Variants in PPP2R5C observed in about 807,000 individuals in gnomAD.
The protein encoded by PPP2R5C is protein phosphatase 2 regulatory subunit B'gamma, also known as serine/threonine-protein phosphatase 2A 56 kDa regulatory subunit gamma isoform.
A neutral mutation model predicts 68.9 loss-of-function variants in PPP2R5C; 7 were observed. The observed-to-expected ratio is 0.10, with a 90% CI of 0.06 to 0.19. The LOEUF (loss-of-function observed/expected upper bound fraction) is 0.19. Among genes scored for constraint, PPP2R5C ranks in the 10% least tolerant of loss-of-function variants. The pLI is 1.00. For missense variants in PPP2R5C, 348 were observed against 641.3 expected (o/e 0.54, Z 4.94); for synonymous variants, 210 against 222.2 (o/e 0.95, Z 0.49).
Position 101,916,199 on chromosome 14 carries a change from G to GGTGTGGAGAT in PPP2R5C, c.1327-1621_1327-1612dup, listed in dbSNP as rs1399152634. Among the ~76,000 whole-genome samples the GGTGTGGAGAT allele has an allele frequency of 2.0e-5, 3 of 152,248 alleles. No individual in the cohort carries two copies. The highest frequency in any genetic ancestry group is 7.2e-5 in the African/African-American group (3 of 41,464). ...TGGAGTGCTGGGGCTGTCGGGGTAG[G>GGTGTGGAGAT]GTGTGGAGATGTGTGGAGATCGTGG... On this transcript the variant is annotated intron_variant, in intron 12 of 13. Transcript: ENST00000334743. This position sits in a 1 kb window ranked among gnomAD's most constrained non-coding sequence, Gnocchi z 5.5.
intron 13 of PPP2R5C, among the ~76,000 whole-genome samples, chr14:101,924,466 G>T (rs542293200): frequency 2.1e-5 from 1 of 48,770 alleles, no homozygotes; most frequent in South Asian, 7.9e-4. Context: ...TTGAGATGGA[G>T]TCTGGAGGCC....
chr14:101,819,082 A>G lies in PPP2R5C; in HGVS notation c.94+9046A>G, dbSNP rs182292928. On this transcript the variant is annotated intron_variant, in intron 1 of 13. Transcript: ENST00000334743. Reference sequence around the variant, plus strand: ...TCTTATTTTTGGTGGGCTTCAAGGAAGAGGTGGGTGGTGAGGGTGTCTGTA... The same window carrying G: ...TCTTATTTTTGGTGGGCTTCAAGGAGGAGGTGGGTGGTGAGGGTGTCTGTA... 4 of 1,547,278 alleles carry G rather than the reference A, an allele frequency of 2.6e-6. No individual in the cohort carries two copies. The East Asian group carries it at 9.8e-5, about 38-fold the overall frequency.
chr14:101,793,421 G>A (rs1187796025), intron 3 of PPP2R5C, among the ~76,000 whole-genome samples: 2 of 152,206 alleles, frequency 1.3e-5, no homozygotes, highest in African/African-American at 4.8e-5. Context: ...GCAGGAACTG[G>A]ACTGCGTGGG....
At chr14:101,895,283 G>A (rs2045242150) in intron 8 of PPP2R5C, among the ~76,000 whole-genome samples, 1 of 152,096 alleles carries the variant, frequency 6.6e-6, no homozygotes, top group Admixed American at 6.5e-5. Context: ...AAAAATTTTT[G>A]ATACGTTACA....
intron 2 of PPP2R5C, among the ~76,000 whole-genome samples, chr14:101,776,655 G>C (rs1342510469): frequency 6.6e-6 from 1 of 151,910 alleles, no homozygotes; most frequent in Non-Finnish European, 1.5e-5. Flanking sequence ...ATTCCAGAAA[G>C]TCCTCCTCAC....
At chr14:101,821,828 G>A (rs1248400623) in intron 1 of PPP2R5C, among the ~76,000 whole-genome samples, 1 of 152,030 alleles carries the variant, frequency 6.6e-6, no homozygotes, top group Non-Finnish European at 1.5e-5. Flanking sequence ...CTGTGCATAG[G>A]TGCTCTAGGC....
chr14:101,857,891 C>G (rs2042518782), intron 2 of PPP2R5C, among the ~76,000 whole-genome samples: 1 of 152,062 alleles, frequency 6.6e-6, no homozygotes, highest in Non-Finnish European at 1.5e-5. Context: ...GACTTCTTGA[C>G]CTAAAATACT....
chr14:101,900,182 C>A (rs1566952999), intron 8 of PPP2R5C, among the ~76,000 whole-genome samples: 1 of 152,178 alleles, frequency 6.6e-6, no homozygotes, highest in Non-Finnish European at 1.5e-5. Context: ...CCACCACGCC[C>A]AGCCTTACTT....
At chr14:101,811,184 T>A (rs922582310) in intron 1 of PPP2R5C, among the ~76,000 whole-genome samples, 6 of 152,198 alleles carry the variant, frequency 3.9e-5, no homozygotes, top group African/African-American at 1.4e-4. Context: ...AAATCAGCAT[T>A]CAATGACCAA....
chr14:101,862,136 G>A (rs977064498), intron 2 of PPP2R5C, among the ~76,000 whole-genome samples: 1 of 152,056 alleles, frequency 6.6e-6, no homozygotes, highest in East Asian at 1.9e-4. Flanking sequence ...GGCTGGTCTC[G>A]AACTCCTGTG....
At chr14:101,808,160 G>A (rs547143390), upstream of PPP2R5C, among the ~76,000 whole-genome samples, 30 of 151,580 alleles carry the variant, frequency 2.0e-4, no homozygotes, top group Non-Finnish European at 4.1e-4. Flanking sequence ...CCTAGTGGTC[G>A]TTGGTGATCG....
At chr14:101,890,990 C>G (rs891585782) in intron 6 of PPP2R5C, among the ~76,000 whole-genome samples, 5 of 151,956 alleles carry the variant, frequency 3.3e-5, no homozygotes, top group African/African-American at 1.2e-4. Flanking sequence ...CCAGGCTGGT[C>G]TCGAACTGCT....
chr14:101,793,398 G>T (rs2038453863), intron 3 of PPP2R5C, among the ~76,000 whole-genome samples: 1 of 152,186 alleles, frequency 6.6e-6, no homozygotes, highest in African/African-American at 2.4e-5. Flanking sequence ...ATATTTCCCT[G>T]ACCACTTCAC....
At chr14:101,816,284 C>T (rs1273022693) in intron 1 of PPP2R5C, among the ~76,000 whole-genome samples, 2 of 152,158 alleles carry the variant, frequency 1.3e-5, no homozygotes, top group South Asian at 2.1e-4. Context: ...AATAGGACCG[C>T]CAAGTGGTCT....
chr14:101,896,112 T>G (rs1178519826), intron 8 of PPP2R5C, among the ~76,000 whole-genome samples: 1 of 152,096 alleles, frequency 6.6e-6, no homozygotes, highest in Non-Finnish European at 1.5e-5. Context: ...CTCTGCCTCC[T>G]GGGTTCAAGC....
At position 101,873,494 on chromosome 14, in the gene PPP2R5C, CT is replaced by C. The variant is rs543299833; in HGVS notation, c.295-8664del. Among the ~76,000 whole-genome samples, 30 of 152,274 alleles carry C rather than the reference CT, an allele frequency of 2.0e-4. No homozygotes were observed. The East Asian group carries it at 5.6e-3, about 28-fold the overall frequency. On this transcript the variant is annotated intron_variant, in intron 2 of 13. Transcript: ENST00000334743. ...GCTAATTATTCTCCACCACTGAGAC[CT>C]TTCTGATTAGGAAGCCAGTGCCCTA...
intron 9 of PPP2R5C, among the ~76,000 whole-genome samples, chr14:101,904,078 C>T (rs1361569701): frequency 6.6e-6 from 1 of 152,176 alleles, no homozygotes; most frequent in Non-Finnish European, 1.5e-5. Context: ...CTTCTGTTTT[C>T]TAAATCAGGC....
intron 2 of PPP2R5C, among the ~76,000 whole-genome samples, chr14:101,775,643 C>T (rs1262088808): frequency 1.3e-5 from 2 of 152,138 alleles, no homozygotes; most frequent in East Asian, 1.9e-4. Flanking sequence ...GACCATGTAC[C>T]ACTGAGGCAG....
intron 2 of PPP2R5C, chr14:101,766,812 G>C (rs1455065235): frequency 1.3e-5 from 2 of 152,222 alleles, no homozygotes; most frequent in Non-Finnish European, 2.9e-5. Flanking sequence ...TCTGTTCTCA[G>C]TGTAACCTTC....
Sources: allele counts gnomAD v4.1 joint callset (sites outside exome capture counted in the v4.1 genomes callset), GRCh38; gene constraint gnomAD v4.1.1; non-coding constraint Gnocchi (gnomAD v3.1); transcripts MANE v1.5; gene names NCBI Gene and HGNC (gene_info 2026-07-23, HGNC 2026-07-21).